ACY3: variants seen among roughly 807,000 people sequenced by gnomAD.
The protein encoded by ACY3 is N-acyl-aromatic-L-amino acid amidohydrolase (carboxylate-forming).
ACY3 carries 20 observed loss-of-function variants against 24.6 expected under a neutral mutation model. That is an observed-to-expected ratio of 0.81 (90% CI 0.57 to 1.18). ACY3 has a LOEUF of 1.18. Among genes scored for constraint, ACY3 ranks in the 50% most tolerant of loss-of-function variants. The probability of loss-of-function intolerance (pLI) is 0.00; values close to 1 mark genes in which losing one functional copy is unlikely to be tolerated. For synonymous variants in ACY3, 174 were observed against 188.4 expected (o/e 0.92, Z 0.62); for missense variants, 423 against 426.8 (o/e 0.99, Z 0.08).
rs1279479530 is a variant in ACY3 at position 67,645,398 on chromosome 11, A to C, written c.433-18T>G. ...TACTGCAGCTGGGGGCGAGAGAGGCAGGTTAGGGGCCCAGGCCTACTTGGG... is the reference window on the plus strand; with the variant it reads ...TACTGCAGCTGGGGGCGAGAGAGGCCGGTTAGGGGCCCAGGCCTACTTGGG... On this transcript the variant is annotated intron_variant, in intron 4 of 7. Coordinates refer to ENST00000255082, the MANE Select transcript of ACY3 (RefSeq NM_080658.2). 1 of 1,610,344 alleles carries C rather than the reference A, an allele frequency of 6.2e-7. No homozygotes were observed. Among genetic ancestry groups the C allele is most frequent in the South Asian group, 1.1e-5 (1 of 90,500 alleles).
At chr11:67,647,891 G>A (rs956418644) in intron 1 of ACY3, among the ~76,000 whole-genome samples, 1 of 152,168 alleles carries the variant, frequency 6.6e-6, no homozygotes, top group African/African-American at 2.4e-5. Context: ...ACCAGAGCAG[G>A]CTATTGAAAG....
In ACY3 at chr11:67,646,924, C is replaced by T. The variant is rs778074987; in HGVS notation, c.120G>A (p.Glu40=). ...LARHWLHAPA[E]LQRASFSAVP... is the part of the protein sequence containing the mutation. Reference sequence around the variant, plus strand: ...CAGCGGAGAAGCTGGCTCTCTGCAGCTCTGCGGGGGCATGCAGCCAGTGCC... The same window carrying T: ...CAGCGGAGAAGCTGGCTCTCTGCAGTTCTGCGGGGGCATGCAGCCAGTGCC... Residue 40 remains glutamate (E), a synonymous_variant, in exon 3 of 8, where the codon GAG becomes GAA. Transcript: ENST00000255082. The T allele has an allele frequency of 6.2e-7, 1 of 1,608,640 alleles. No individual in the cohort carries two copies. Among genetic ancestry groups the T allele is most frequent in the Non-Finnish European group, 8.5e-7 (1 of 1,177,854 alleles).
rs536780241 is a variant in ACY3 at position 67,645,389 on chromosome 11, G to A, written c.433-9C>T. On this transcript the variant is annotated splice_polypyrimidine_tract_variant and intron_variant, in intron 4 of 7. Coordinates refer to ENST00000255082, the MANE Select transcript of ACY3 (RefSeq NM_080658.2). ...AGCTCGGGGTACTGCAGCTGGGGGC[G>A]AGAGAGGCAGGTTAGGGGCCCAGGC... The A allele has an allele frequency of 2.5e-5, 41 of 1,612,144 alleles. No homozygotes were observed. In the South Asian group the frequency reaches 3.4e-4, roughly 13 times the overall value.
Position 67,645,891 on chromosome 11 carries a change from T to C in ACY3, c.237-4A>G. The C allele has an allele frequency of 6.3e-7, 1 of 1,587,214 alleles. No homozygotes were observed. Among genetic ancestry groups the C allele is most frequent in the South Asian group, 1.1e-5 (1 of 88,192 alleles). ...GTCGTCCGGGGTGGGCCTGGAACTG[T>C]GGAGACGGGAATGGGGGACACCGAT... On this transcript the variant is annotated splice_region_variant and splice_polypyrimidine_tract_variant and intron_variant, in intron 3 of 7. Coordinates refer to ENST00000255082, the MANE Select transcript of ACY3 (RefSeq NM_080658.2).
In ACY3 at chr11:67,647,102, C is replaced by A. The variant is rs1855533188; in HGVS notation, c.-20-39G>T. 2.9e-6 allele frequency: 4 copies of A among 1,388,048 alleles called. No individual in the cohort carries two copies. In the East Asian group the frequency reaches 1.0e-4, roughly 35 times the overall value. 86.0% of individuals were successfully genotyped at this position (1,388,048 alleles called of 1,614,324 possible). ...TACTTAGGAGACCCTGGCCCCGATG[C>A]AAGGGATCTGGGCTCAGGGCAAGGA... On this transcript the variant is annotated intron_variant, in intron 2 of 7. Coordinates refer to ENST00000255082, the MANE Select transcript of ACY3 (RefSeq NM_080658.2).
intron 3 of ACY3, among the ~76,000 whole-genome samples, chr11:67,646,314 C>G (rs975529239): frequency 6.6e-5 from 10 of 152,232 alleles, no homozygotes; most frequent in Admixed American, 2.0e-4. Flanking sequence ...TGCTCTCAGC[C>G]AGGTTAGCTG....
At chr11:67,645,422 G>T (rs1253472813) in intron 4 of ACY3, 42 bp from the exon 5 acceptor site, 2 of 1,592,482 alleles carry the variant, frequency 1.3e-6, no homozygotes, top group Non-Finnish European at 1.7e-6. Context: ...GGCCTACTTG[G>T]GAAGGGAAAC....
intron 3 of ACY3, 138 bp downstream of exon 3, chr11:67,646,670 C>T (rs145040574): frequency 7.3e-5 from 63 of 866,858 alleles, no homozygotes; most frequent in Middle Eastern, 6.7e-4. Context: ...CGGTTTGTCC[C>T]GTGGAGGAAT....
intron 7 of ACY3, among the ~76,000 whole-genome samples, chr11:67,643,593 G>A (rs750140194): frequency 5.9e-5 from 9 of 152,070 alleles, no homozygotes; most frequent in African/African-American, 1.2e-4. Context: ...CAGGAGAATC[G>A]CTTGAACTCA....
At chr11:67,643,539 G>A (rs1855449222) in intron 7 of ACY3, among the ~76,000 whole-genome samples, 2 of 152,104 alleles carry the variant, frequency 1.3e-5, no homozygotes, top group Non-Finnish European at 2.9e-5. Flanking sequence ...TTAGCCAGGT[G>A]TGGTGGTGAG....
In ACY3 at chr11:67,645,315, G is replaced by A; in HGVS notation, c.498C>T (p.Asn166=). 1 of 1,613,738 alleles carries A rather than the reference G, an allele frequency of 6.2e-7. No individual in the cohort carries two copies. The highest frequency in any genetic ancestry group is 8.5e-7 in the Non-Finnish European group (1 of 1,180,006). Residue 166 remains asparagine, a synonymous_variant, in exon 5 of 8, where the codon AAC becomes AAT. Transcript: ENST00000255082. ...GTCCATTTTTGGCCACAGAGTCCAG[G>A]TTGTAGCTCTCCTCCCCAGACCGCT... ...LYQRSGEESY[N]LDSVAKNGLG... is the part of the protein sequence containing the mutation.
intron 1 of ACY3, among the ~76,000 whole-genome samples, chr11:67,648,996 G>A (rs12281770): frequency 0.019 from 2,932 of 152,216 alleles, 82 homozygotes; most frequent in African/African-American, 0.065. Context: ...CCATTAGGGG[G>A]CCATGCCATG....
At chr11:67,649,861 T>C (rs189286212) in intron 1 of ACY3, among the ~76,000 whole-genome samples, 10,078 of 147,058 alleles carry the variant, frequency 0.069, 1,132 homozygotes, top group African/African-American at 0.24. Context: ...TGCATGAGAG[T>C]GTGTGTGCAT....
chr11:67,643,007 C>T, intron 7 of ACY3, 68 bp from the exon 8 acceptor site: 1 of 1,426,104 alleles, frequency 7.0e-7, no homozygotes, highest in Non-Finnish European at 9.7e-7. Context: ...GGGGGTGACC[C>T]CAGCTTGACA....
intron 7 of ACY3, 140 bp downstream of exon 7, chr11:67,644,620 C>T: frequency 3.8e-6 from 3 of 785,648 alleles, no homozygotes; most frequent in Non-Finnish European, 6.1e-6. Context: ...CCATCCTGCT[C>T]CTCAACCCGA....
Position 67,646,953 on chromosome 11 carries a change from C to T in ACY3, c.91G>A (p.Ala31Thr), listed in dbSNP as rs868266214. Residue 31 changes from alanine (A) to threonine (T), a missense_variant, in exon 3 of 8, where the codon GCC becomes ACC. By Grantham distance (58) the Ala-to-Thr change is moderately conservative. Transcript: ENST00000255082. ...GCGGGGGCATGCAGCCAGTGCCGGG[C>T]CAGGTAGACGCCCGACATCTCGTTG... The part of the protein sequence containing the change: ...HGNEMSGVYL[A>T]RHWLHAPAEL... 3 of 1,592,858 alleles carry T rather than the reference C, an allele frequency of 1.9e-6. No homozygotes were observed. Among genetic ancestry groups the T allele is most frequent in the Middle Eastern group, 1.7e-4 (1 of 6,018 alleles).
Position 67,642,808 on chromosome 11 carries a change from G to A in ACY3, c.876C>T (p.Gly292=), listed in dbSNP as rs776815218. ...FINEAAYYEK[G]VAFVQTEKFT... Reference sequence around the variant, plus strand: ...ACTTCTCAGTCTGGACAAAGGCAACGCCCTTCTCATAGTAGGCAGCCTCGT... The same window carrying A: ...ACTTCTCAGTCTGGACAAAGGCAACACCCTTCTCATAGTAGGCAGCCTCGT... The change falls in exon 8 of 8, where the codon GGC becomes GGT. Residue 292 remains glycine, a synonymous_variant. Coordinates refer to ENST00000255082, the MANE Select transcript of ACY3 (RefSeq NM_080658.2). 37 of 1,614,122 alleles carry A rather than the reference G, an allele frequency of 2.3e-5. No homozygotes were observed. The highest frequency in any genetic ancestry group is 9.9e-5 in the South Asian group (9 of 91,080).
chr11:67,645,795 T>A lies in ACY3; in HGVS notation c.329A>T (p.Asp110Val). 1 of 1,613,950 alleles carries A rather than the reference T, an allele frequency of 6.2e-7. No individual in the cohort carries two copies. Among genetic ancestry groups the A allele is most frequent in the South Asian group, 1.1e-5 (1 of 91,076 alleles). The change falls in exon 4 of 8, where the codon GAC becomes GTC. Residue 110 changes from aspartate to valine, a missense_variant. Physicochemically the swap from Asp to Val is radical, Grantham distance 152. Coordinates refer to ENST00000255082, the MANE Select transcript of ACY3 (RefSeq NM_080658.2). ...LGPKASGQAF[D>V]FVLDLHNTTA... The stretch of plus-strand genomic sequence containing the variant: ...GGTGTTGTGCAGGTCAAGGACAAAG[T>A]CAAAGGCCTGGCCCGAGGCCTTGGG...
At position 67,645,902 on chromosome 11, in the gene ACY3, A is replaced by T. The variant is rs1855508611; in HGVS notation, c.237-15T>A. The T allele has an allele frequency of 6.4e-7, 1 of 1,574,788 alleles. No individual in the cohort carries two copies. The highest frequency in any genetic ancestry group is 1.8e-5 in the Admixed American group (1 of 54,136). On this transcript the variant is annotated splice_polypyrimidine_tract_variant and intron_variant, in intron 3 of 7. Transcript: ENST00000255082. Reference sequence around the variant, plus strand: ...TGGGCCTGGAACTGTGGAGACGGGAATGGGGGACACCGATCTTCACAGTCT... The same window carrying T: ...TGGGCCTGGAACTGTGGAGACGGGATTGGGGGACACCGATCTTCACAGTCT...
Sources: allele counts gnomAD v4.1 joint callset (sites outside exome capture counted in the v4.1 genomes callset), GRCh38; gene constraint gnomAD v4.1.1; transcripts MANE v1.5; gene names NCBI Gene and HGNC (gene_info 2026-07-23, HGNC 2026-07-21).